The following NLRP2 variants were observed in gnomAD, a reference collection of about 807,000 sequenced individuals.
NLRP2 encodes the protein NLR family pyrin domain containing 2, also known as NACHT, LRR and PYD domains-containing protein 2.
NLRP2 carries 107 observed loss-of-function variants against 97.2 expected under a neutral mutation model. The observed-to-expected ratio is 1.10, with a 90% CI of 0.94 to 1.29. The LOEUF is 1.29. NLRP2 is among the 50% of genes most tolerant of loss of function. The pLI is 0.00. For synonymous variants in NLRP2, 663 were observed against 551.5 expected (o/e 1.20, Z -2.83); for missense variants, 1,495 against 1,330.3 (o/e 1.12, Z -1.93).
intron 3 of NLRP2, among the ~76,000 whole-genome samples, chr19:54,975,719 T>C (rs113964642): frequency 9.5e-4 from 145 of 152,230 alleles, no homozygotes; most frequent in African/African-American, 3.4e-3. Context: ...CCCAAAGTGC[T>C]GGGATTACAG....
At chr19:54,990,228 T>C in intron 9 of NLRP2, 36 bp downstream of exon 9, 2 of 1,606,742 alleles carry the variant, frequency 1.2e-6, no homozygotes, top group Non-Finnish European at 1.7e-6. Flanking sequence ...AGCTGTGCTT[T>C]CGATCTGGGG....
chr19:54,985,770 G>A (rs770731935), intron 7 of NLRP2, among the ~76,000 whole-genome samples: 59 of 150,882 alleles, frequency 3.9e-4, no homozygotes, highest in Non-Finnish European at 6.4e-4. Context: ...CCAAGGTGGG[G>A]GGATCACTTG....
At chr19:54,968,374 G>T (rs985459111) in intron 1 of NLRP2, among the ~76,000 whole-genome samples, 1 of 151,980 alleles carries the variant, frequency 6.6e-6, no homozygotes, top group Non-Finnish European at 1.5e-5. Flanking sequence ...TACCAGGCTG[G>T]AGTGCAGTGG....
intron 11 of NLRP2, among the ~76,000 whole-genome samples, chr19:54,996,055 A>AAAAAAAAAAAAAC (rs2072801402): frequency 8.6e-6 from 1 of 116,158 alleles, no homozygotes; most frequent in African/African-American, 3.2e-5. Flanking sequence ...AAAAAAAAAC[A>AAAAAAAAAAAAAC]AAAAAAACAA....
At chr19:54,975,704 G>A (rs559757434) in intron 3 of NLRP2, among the ~76,000 whole-genome samples, 9 of 151,902 alleles carry the variant, frequency 5.9e-5, no homozygotes, top group East Asian at 1.9e-4. Flanking sequence ...CGCCCGCCTC[G>A]GCCTCCCAAA....
intron 2 of NLRP2, chr19:54,973,697 C>T (rs951614862): frequency 5.0e-6 from 2 of 396,344 alleles, no homozygotes; most frequent in Admixed American, 3.1e-5. Flanking sequence ...TTTAGCTGAC[C>T]TCCGGAGGTT....
intron 1 of NLRP2, among the ~76,000 whole-genome samples, chr19:54,968,482 G>C (rs905591872): frequency 1.5e-5 from 2 of 136,322 alleles, no homozygotes; most frequent in Admixed American, 1.6e-4. Context: ...ATGCCACTAT[G>C]CCCAGCACAA....
chr19:54,968,880 T>G (rs2070660305), intron 1 of NLRP2, among the ~76,000 whole-genome samples: 2 of 151,640 alleles, frequency 1.3e-5, no homozygotes, highest in South Asian at 4.2e-4. Context: ...TTTTTGTATT[T>G]TTAGTAGAGA....
chr19:54,985,000 C>T lies in NLRP2; in HGVS notation c.2031-47C>T, dbSNP rs73932259. The T allele has an allele frequency of 7.5e-3, 11,896 of 1,589,384 alleles. 743 individuals are homozygous for T. The African/African-American group carries it at 0.14, about 19-fold the overall frequency. On this transcript the variant is annotated intron_variant, in intron 6 of 12. Transcript: ENST00000448584. The stretch of plus-strand genomic sequence containing the variant: ...CCAGAGAAACCCTAAATACTTCAGC[C>T]GTGATGGACACACATTTGGTGTAAC...
At chr19:54,993,920 C>T (rs1243241258) in intron 10 of NLRP2, 9 of 374,286 alleles carry the variant, frequency 2.4e-5, no homozygotes, top group Non-Finnish European at 4.0e-5. Context: ...CATCTTCAAA[C>T]GTTGCCCTGG....
chr19:54,999,125 G>A (rs111410853), intron 12 of NLRP2, among the ~76,000 whole-genome samples: 23,193 of 150,152 alleles, frequency 0.15, 1,949 homozygotes, highest in Middle Eastern at 0.29. Flanking sequence ...CGGACAGGGC[G>A]GCTGGCTGGG....
chr19:54,989,044 G>C (rs775594619), intron 8 of NLRP2, among the ~76,000 whole-genome samples: 1 of 151,780 alleles, frequency 6.6e-6, no homozygotes, highest in Non-Finnish European at 1.5e-5. Context: ...TGCAACCTCC[G>C]CCTCCTGGGT....
At chr19:54,994,512 T>C (rs1346072753) in intron 11 of NLRP2, 73 bp downstream of exon 11, 5 of 1,496,550 alleles carry the variant, frequency 3.3e-6, no homozygotes, top group Non-Finnish European at 4.7e-6. Context: ...AAATAATCAG[T>C]GAAGCCGACT....
At position 54,982,361 on chromosome 19, in the gene NLRP2, G is replaced by T; in HGVS notation, c.663G>T (p.Thr221=). 1 of 1,614,086 alleles carries T rather than the reference G, an allele frequency of 6.2e-7. No individual in the cohort carries two copies. Among genetic ancestry groups the T allele is most frequent in the African/African-American group, 1.3e-5 (1 of 75,010 alleles). Residue 221 remains threonine, a synonymous_variant, in exon 6 of 13, where the codon ACG becomes ACT. Coordinates refer to ENST00000448584, the MANE Select transcript of NLRP2 (RefSeq NM_017852.5). The stretch of plus-strand genomic sequence containing the variant: ...GTCCTGCAGGCCTTGGGAAAACCAC[G>T]CTGGCCCAGAAACTAATGCTAGACT... ...LYGPAGLGKT[T]LAQKLMLDWA...
At position 54,996,772 on chromosome 19, in the gene NLRP2, A is replaced by G. The variant is rs73609941; in HGVS notation, c.2880-545A>G. Among the ~76,000 whole-genome samples the G allele has an allele frequency of 9.2e-3, 1,394 of 151,534 alleles. 16 individuals are homozygous for G. The highest frequency in any genetic ancestry group is 0.032 in the African/African-American group (1,313 of 41,274). The stretch of plus-strand genomic sequence containing the variant: ...CCTGGAGAACTCCCCCCCGAGCTCT[A>G]TGACTCGGTCTCTTCACCCCCTCAC... On this transcript the variant is annotated intron_variant, in intron 11 of 12. Coordinates refer to ENST00000448584, the MANE Select transcript of NLRP2 (RefSeq NM_017852.5).
At chr19:54,971,920 C>G (rs1347546015) in intron 2 of NLRP2, among the ~76,000 whole-genome samples, 1 of 151,946 alleles carries the variant, frequency 6.6e-6, no homozygotes, top group African/African-American at 2.4e-5. Context: ...CCTCCGCCTC[C>G]CGGGTTCAAG....
intron 2 of NLRP2, among the ~76,000 whole-genome samples, chr19:54,972,256 A>C (rs1336110824): frequency 6.6e-6 from 1 of 151,840 alleles, no homozygotes; most frequent in Admixed American, 6.6e-5. Flanking sequence ...ATCTCAGCTT[A>C]TTGCAACTCC....
At chr19:54,977,130 C>G (rs974076538) in intron 3 of NLRP2, among the ~76,000 whole-genome samples, 2 of 151,992 alleles carry the variant, frequency 1.3e-5, no homozygotes, top group Admixed American at 1.3e-4. Flanking sequence ...CTTGTTCTTA[C>G]ATTCTTTCCC....
rs750990475 is a variant in NLRP2 at position 54,974,554 on chromosome 19, C to T, written c.325+10C>T. 1 of 1,560,652 alleles carries T rather than the reference C, an allele frequency of 6.4e-7. No individual in the cohort carries two copies. Among genetic ancestry groups the T allele is most frequent in the Admixed American group, 1.7e-5 (1 of 59,866 alleles). ...AAGCCTCTATCATTAGGTAAGTTAC[C>T]TCATTTATAACTTTTATTCTTCATG... On this transcript the variant is annotated intron_variant, in intron 3 of 12. Coordinates refer to ENST00000448584, the MANE Select transcript of NLRP2 (RefSeq NM_017852.5).
Sources: allele counts gnomAD v4.1 joint callset (sites outside exome capture counted in the v4.1 genomes callset), GRCh38; gene constraint gnomAD v4.1.1; transcripts MANE v1.5; gene names NCBI Gene and HGNC (gene_info 2026-07-23, HGNC 2026-07-21).